The following CYP3A5 variants were observed in gnomAD, a reference collection of about 807,000 sequenced individuals.
The protein encoded by CYP3A5 is cytochrome P450 3A5.
CYP3A5 carries 51 observed loss-of-function variants against 55.9 expected under a neutral mutation model. The observed-to-expected ratio is 0.91, with a 90% CI of 0.73 to 1.15. The LOEUF (loss-of-function observed/expected upper bound fraction) is 1.15. Among genes scored for constraint, CYP3A5 ranks in the 50% most tolerant of loss-of-function variants. CYP3A5 has a pLI of 0.00. For synonymous variants in CYP3A5, 196 were observed against 213.9 expected, an observed-to-expected ratio of 0.92 and a Z score of 0.73; for missense variants, 533 against 596.6, an observed-to-expected ratio of 0.89 and a Z score of 1.11.
intron 8 of CYP3A5, chr7:99,663,133 C>T: frequency 3.3e-6 from 4 of 1,215,846 alleles, no homozygotes; most frequent in Admixed American, 3.6e-5. Context: ...CCCTGTTTCT[C>T]ATCTTCTCTG....
At chr7:99,661,457 G>T (rs1336723716) in intron 9 of CYP3A5, among the ~76,000 whole-genome samples, 2 of 152,218 alleles carry the variant, frequency 1.3e-5, no homozygotes, top group African/African-American at 2.4e-5. Context: ...AAAGCCAGAA[G>T]CATGGTGATT....
Position 99,666,679 on chromosome 7 carries a change from A to G in CYP3A5, c.443T>C (p.Ile148Thr), listed in dbSNP as rs375534267. Residue 148 changes from isoleucine (I) to threonine (T), a missense_variant, in exon 6 of 13, where the codon ATC becomes ACC. Ile to Thr is a moderately conservative substitution (Grantham distance 89). Transcript: ENST00000222982. The stretch of plus-strand genomic sequence containing the variant: ...CAATACATCTCCATACTGGGCAATG[A>G]TGGGGAACATCTAAGCACAAAACAG... Reference protein sequence around the residue: ...TSGKLKEMFPIIAQYGDVLVR... With the variant: ...TSGKLKEMFPTIAQYGDVLVR... 1 of 1,613,964 alleles carries G rather than the reference A, an allele frequency of 6.2e-7. No homozygotes were observed. The highest frequency in any genetic ancestry group is 8.5e-7 in the Non-Finnish European group (1 of 1,179,960).
chr7:99,659,260 G>C (rs1333627354), intron 10 of CYP3A5: 1 of 152,274 alleles, frequency 6.6e-6, no homozygotes, highest in Non-Finnish European at 1.5e-5. Context: ...TTTTGGTGTG[G>C]ATGTCCTTTC....
At chr7:99,672,855 A>G (rs1811807675) in intron 3 of CYP3A5, 176 bp from the exon 4 acceptor site, 1 of 1,417,026 alleles carries the variant, frequency 7.1e-7, no homozygotes. Flanking sequence ...AGAGTCTCAC[A>G]CAGGAGCCAC....
intron 8 of CYP3A5, chr7:99,663,689 A>G: frequency 9.6e-7 from 1 of 1,044,442 alleles, no homozygotes; most frequent in Non-Finnish European, 1.2e-6. Context: ...TTGACAATTT[A>G]TTAAAGGGAA....
chr7:99,650,532 C>T (rs765307186), intron 11 of CYP3A5, among the ~76,000 whole-genome samples: 1 of 152,132 alleles, frequency 6.6e-6, no homozygotes, highest in Non-Finnish European at 1.5e-5. Context: ...TGTGTTCACA[C>T]TATAAAAGGC....
chr7:99,662,940 A>G lies in CYP3A5; in HGVS notation c.799-58T>C. The stretch of plus-strand genomic sequence containing the variant: ...AAGTGACTCGTGAAGTCAGAAGTAA[A>G]TCAAAAGTGCAGTCCTCAACCTCCC... On this transcript the variant is annotated intron_variant, in intron 8 of 12. Coordinates refer to ENST00000222982, the MANE Select transcript of CYP3A5 (RefSeq NM_000777.5). This position sits in a 1 kb window ranked among gnomAD's most constrained non-coding sequence, Gnocchi z 4.3. The G allele has an allele frequency of 1.9e-6, 3 of 1,607,440 alleles. No individual in the cohort carries two copies. The Admixed American group carries it at 5.0e-5, about 27-fold the overall frequency.
chr7:99,656,967 C>T (rs1452323354), intron 10 of CYP3A5, among the ~76,000 whole-genome samples: 9 of 152,160 alleles, frequency 5.9e-5, no homozygotes, highest in African/African-American at 9.6e-5. Context: ...TGATTCTTCT[C>T]TCTTTTCTTC....
intron 12 of CYP3A5, among the ~76,000 whole-genome samples, chr7:99,649,442 G>A (rs1808948156): frequency 6.6e-6 from 1 of 152,146 alleles, no homozygotes; most frequent in Non-Finnish European, 1.5e-5. Context: ...TTCTTTAAAT[G>A]TATCACCTGG....
In CYP3A5 at chr7:99,660,604, A is replaced by G. The variant is rs751966536; in HGVS notation, c.921T>C (p.Tyr307=). 4 of 1,613,986 alleles carry G rather than the reference A, an allele frequency of 2.5e-6. No homozygotes were observed. Among genetic ancestry groups the G allele is most frequent in the Non-Finnish European group, 3.4e-6 (4 of 1,179,992 alleles). Residue 307 remains tyrosine, a synonymous_variant, in exon 10 of 13, where the codon TAT becomes TAC. Transcript: ENST00000222982. ...AQSIIFIFAG[Y]ETTSSVLSFT... is the part of the protein sequence containing the mutation. Reference sequence around the variant, plus strand: ...AGGAAAGAACACTGCTGGTGGTTTCATAGCCAGCAAAAATGAAGATTATTG... The same window carrying G: ...AGGAAAGAACACTGCTGGTGGTTTCGTAGCCAGCAAAAATGAAGATTATTG...
At position 99,660,583 on chromosome 7, in the gene CYP3A5, A is replaced by C; in HGVS notation, c.942T>G (p.Leu314=). Residue 314 remains leucine, a synonymous_variant, in exon 10 of 13, where the codon CTT becomes CTG. Coordinates refer to ENST00000222982, the MANE Select transcript of CYP3A5 (RefSeq NM_000777.5). ...TGGCCAGTTCATATAAAGTGAAGGA[A>C]AGAACACTGCTGGTGGTTTCATAGC... The part of the protein sequence containing the change: ...FAGYETTSSV[L]SFTLYELATH... The C allele has an allele frequency of 6.2e-7, 1 of 1,614,024 alleles. No individual in the cohort carries two copies. Among genetic ancestry groups the C allele is most frequent in the Non-Finnish European group, 8.5e-7 (1 of 1,179,984 alleles).
At chr7:99,649,420 G>T (rs1808946288) in intron 12 of CYP3A5, among the ~76,000 whole-genome samples, 1 of 152,168 alleles carries the variant, frequency 6.6e-6, no homozygotes, top group Admixed American at 6.5e-5. Context: ...TCAGAGAAAA[G>T]ATTCTAAATC....
At chr7:99,679,338 G>A (rs931188533) in intron 1 of CYP3A5, among the ~76,000 whole-genome samples, 2 of 152,042 alleles carry the variant, frequency 1.3e-5, no homozygotes, top group African/African-American at 4.8e-5. Flanking sequence ...TTGGAAGGCG[G>A]GGGAGCAGGA....
At chr7:99,679,713 A>G (rs1220011373) in intron 1 of CYP3A5, 113 bp downstream of exon 1, 2 of 973,066 alleles carry the variant, frequency 2.1e-6, no homozygotes. Flanking sequence ...CCAACACTTC[A>G]GCTACTTCTC....
intron 11 of CYP3A5, among the ~76,000 whole-genome samples, chr7:99,651,651 G>A (rs1809203335): frequency 6.6e-6 from 1 of 152,206 alleles, no homozygotes; most frequent in South Asian, 2.1e-4. Flanking sequence ...GCTAATGAAA[G>A]TCTAGATCCC....
At chr7:99,674,850 C>A (rs139901968) in intron 2 of CYP3A5, among the ~76,000 whole-genome samples, 7 of 152,286 alleles carry the variant, frequency 4.6e-5, no homozygotes, top group African/African-American at 7.2e-5. Flanking sequence ...AATTCCTTGT[C>A]TTTCTGATGT....
chr7:99,655,763 G>A (rs1261110532), intron 10 of CYP3A5, among the ~76,000 whole-genome samples: 1 of 152,100 alleles, frequency 6.6e-6, no homozygotes, highest in African/African-American at 2.4e-5. Context: ...ATTGAGCAGT[G>A]GTTTGTAATT....
At chr7:99,650,039 A>G (rs369616602) in intron 12 of CYP3A5, 34 bp downstream of exon 12, 5 of 1,610,986 alleles carry the variant, frequency 3.1e-6, no homozygotes, top group Non-Finnish European at 4.2e-6. Flanking sequence ...CAGTTAAAAA[A>G]ATTCTTAATA....
chr7:99,663,400 G>T, intron 8 of CYP3A5: 1 of 990,898 alleles, frequency 1.0e-6, no homozygotes, highest in Non-Finnish European at 1.2e-6. Context: ...CTGACCTGCA[G>T]ACATCCTTCG....
Sources: gnomAD v4.1 joint callset for allele counts (sites outside exome capture counted in the v4.1 genomes callset) on GRCh38, gnomAD v4.1.1 for gene constraint, Gnocchi (gnomAD v3.1) non-coding constraint, MANE v1.5 for transcripts, NCBI Gene and HGNC (gene_info 2026-07-23, HGNC 2026-07-21) for gene names.